Variants in RIPK2 observed in about 807,000 individuals in gnomAD.
The protein encoded by RIPK2 is receptor interacting serine/threonine kinase 2.
Under a neutral mutation model 60.9 loss-of-function variants are expected in RIPK2, and 38 were observed. The observed-to-expected ratio is 0.62, with a 90% confidence interval of 0.48 to 0.82. The LOEUF (loss-of-function observed/expected upper bound fraction) is 0.82, where lower values mean the gene tolerates loss of function less well. RIPK2 is among the 40% of genes least tolerant of loss of function. The pLI, the probability that RIPK2 is intolerant of heterozygous loss-of-function variation, is 0.00. For missense variants in RIPK2, 518 were observed against 647.0 expected, an observed-to-expected ratio of 0.80 and a Z score of 2.16; for synonymous variants, 225 against 223.4, an observed-to-expected ratio of 1.01 and a Z score of -0.06.
At chr8:89,772,032 T>C (rs912683644) in intron 5 of RIPK2, among the ~76,000 whole-genome samples, 2 of 152,054 alleles carry the variant, frequency 1.3e-5, no homozygotes, top group African/African-American at 4.8e-5. Flanking sequence ...ACCCAGATTT[T>C]AATTCTTGTT....
At chr8:89,777,752 C>T (rs1809422598) in intron 6 of RIPK2, among the ~76,000 whole-genome samples, 1 of 151,926 alleles carries the variant, frequency 6.6e-6, no homozygotes, top group African/African-American at 2.4e-5. Flanking sequence ...ATGACTGTTT[C>T]CTATTTTCAG....
intron 5 of RIPK2, among the ~76,000 whole-genome samples, chr8:89,772,250 A>G (rs1323139162): frequency 6.6e-6 from 1 of 152,018 alleles, no homozygotes; most frequent in Admixed American, 6.6e-5. Context: ...AATATTGTTT[A>G]TTTCTTTATT....
At chr8:89,782,967 G>A (rs1809524434) in intron 7 of RIPK2, among the ~76,000 whole-genome samples, 1 of 152,114 alleles carries the variant, frequency 6.6e-6, no homozygotes, top group Non-Finnish European at 1.5e-5. Flanking sequence ...ACATAACAGA[G>A]ATAAAACCAA....
At chr8:89,772,913 C>A in intron 6 of RIPK2, 85 bp downstream of exon 6, 4 of 900,060 alleles carry the variant, frequency 4.4e-6, no homozygotes, top group Non-Finnish European at 6.3e-6. Context: ...AAAAATTGTG[C>A]AAATTAGATG....
rs1441429281 is a variant in RIPK2 at position 89,765,371 on chromosome 8, T to C, written c.358T>C (p.Leu120=). The C allele has an allele frequency of 6.2e-7, 1 of 1,610,458 alleles. No homozygotes were observed. The highest frequency in any genetic ancestry group is 8.5e-7 in the Non-Finnish European group (1 of 1,177,646). ...KTEYPDVAWP[L]RFRILHEIAL... ...TGAATATCCTGATGTTGCTTGGCCA[T>C]TGAGATTTCGCATCCTGCATGAAAT... is the stretch of plus-strand genomic sequence containing the variant. Residue 120 remains leucine (L), a synonymous_variant, in exon 3 of 11, where the codon TTG becomes CTG. Transcript: ENST00000220751.
At chr8:89,758,792 T>A (rs1257521144) in intron 1 of RIPK2, among the ~76,000 whole-genome samples, 2 of 152,210 alleles carry the variant, frequency 1.3e-5, no homozygotes, top group Non-Finnish European at 2.9e-5. Flanking sequence ...ACTTATAATA[T>A]TTTATTATTT....
At chr8:89,764,414 C>T (rs969191340) in intron 2 of RIPK2, among the ~76,000 whole-genome samples, 2 of 152,142 alleles carry the variant, frequency 1.3e-5, no homozygotes, top group Admixed American at 1.3e-4. Flanking sequence ...GATCACTGAA[C>T]TATAAGCTGA....
intron 9 of RIPK2, among the ~76,000 whole-genome samples, chr8:89,789,006 C>T (rs746009422): frequency 1.3e-5 from 2 of 152,106 alleles, no homozygotes; most frequent in African/African-American, 2.4e-5. Context: ...ATTTAGAGAA[C>T]ATACTTAAAC....
chr8:89,767,644 A>G (rs1444494219), intron 3 of RIPK2, among the ~76,000 whole-genome samples: 2 of 151,782 alleles, frequency 1.3e-5, no homozygotes, highest in African/African-American at 2.4e-5. Flanking sequence ...CAAAGCAGTT[A>G]TCCTGTAACA....
intron 1 of RIPK2, among the ~76,000 whole-genome samples, chr8:89,758,716 C>T (rs1331406710): frequency 2.0e-5 from 3 of 151,958 alleles, no homozygotes; most frequent in Non-Finnish European, 2.9e-5. Flanking sequence ...TGTGCCCGTC[C>T]GAATTGAAGT....
At chr8:89,778,310 G>C (rs1809436242) in intron 6 of RIPK2, among the ~76,000 whole-genome samples, 1 of 151,928 alleles carries the variant, frequency 6.6e-6, no homozygotes, top group Admixed American at 6.6e-5. Flanking sequence ...TTTTTCAAAA[G>C]CCTATCAAAG....
Position 89,783,925 on chromosome 8 carries a change from A to G in RIPK2, c.940-125A>G, listed in dbSNP as rs912001269. 9.1e-5 allele frequency: 47 copies of G among 518,540 alleles called. No individual in the cohort carries two copies. In the Admixed American group the frequency reaches 1.2e-3, roughly 14 times the overall value. 32.1% of individuals were successfully genotyped at this position (518,540 alleles called of 1,614,324 possible). On this transcript the variant is annotated intron_variant, in intron 7 of 10. Coordinates refer to ENST00000220751, the MANE Select transcript of RIPK2 (RefSeq NM_003821.6). ...CCTTCAGTTATATGTTATATTCTCA[A>G]CTCTTTATATTTTCTTTCCATGTAT...
chr8:89,769,748 A>G, intron 3 of RIPK2, 24 bp from the exon 4 acceptor site: 1 of 1,477,340 alleles, frequency 6.8e-7, no homozygotes. Context: ...AAATTTCTTA[A>G]TTATTTGCTC....
chr8:89,781,976 C>CAA (rs36097206), intron 7 of RIPK2, among the ~76,000 whole-genome samples: 2 of 151,796 alleles, frequency 1.3e-5, no homozygotes, highest in Admixed American at 1.3e-4. Flanking sequence ...GGCAATGTGG[C>CAA]AAAAAAACAT....
chr8:89,769,629 G>T, intron 3 of RIPK2, 143 bp from the exon 4 acceptor site: 1 of 513,000 alleles, frequency 1.9e-6, no homozygotes, highest in Non-Finnish European at 3.2e-6. Flanking sequence ...AAGAAGTTGG[G>T]GGAATATACA....
At chr8:89,777,179 T>C (rs1031365440) in intron 6 of RIPK2, among the ~76,000 whole-genome samples, 2 of 152,242 alleles carry the variant, frequency 1.3e-5, no homozygotes, top group Non-Finnish European at 2.9e-5. Flanking sequence ...AGTGGAGCAC[T>C]GATCAGTACA....
Position 89,765,386 on chromosome 8 carries a change from C to G in RIPK2, c.373C>G (p.Leu125Val). Reference sequence around the variant, plus strand: ...TGCTTGGCCATTGAGATTTCGCATCCTGCATGAAATTGCCCTTGGTGTAAA... The same window carrying G: ...TGCTTGGCCATTGAGATTTCGCATCGTGCATGAAATTGCCCTTGGTGTAAA... ...DVAWPLRFRILHEIALGVNYL... is the reference protein window; with the variant it reads ...DVAWPLRFRIVHEIALGVNYL... Residue 125 changes from leucine (L) to valine (V), a missense_variant, in exon 3 of 11, where the codon CTG (leucine) becomes GTG (valine). Around this residue, in one of 3 missense-constraint regions of RIPK2, gnomAD observed 448 missense variants for 534.7 expected, o/e 0.84. Transcript: ENST00000220751. The G allele has an allele frequency of 1.9e-6, 3 of 1,609,976 alleles. No individual in the cohort carries two copies. The highest frequency in any genetic ancestry group is 2.5e-6 in the Non-Finnish European group (3 of 1,176,986).
In RIPK2 at chr8:89,765,420, A is replaced by C. The variant is rs1418778571; in HGVS notation, c.407A>C (p.His136Pro). 1 of 1,602,356 alleles carries C rather than the reference A, an allele frequency of 6.2e-7. No individual in the cohort carries two copies. The highest frequency in any genetic ancestry group is 8.5e-7 in the Non-Finnish European group (1 of 1,169,936). Reference protein sequence around the residue: ...HEIALGVNYLHNMTPPLLHHD... With the variant: ...HEIALGVNYLPNMTPPLLHHD... ...ATTGCCCTTGGTGTAAATTACCTGC[A>C]CAATATGACTCCTCCTTTACTTCAT... The change falls in exon 3 of 11, where the codon CAC becomes CCC. Residue 136 changes from histidine (H) to proline (P), a missense_variant. His to Pro is a moderately conservative substitution (Grantham distance 77). Around this residue, in one of 3 missense-constraint regions of RIPK2, gnomAD observed 448 missense variants for 534.7 expected, o/e 0.84. Transcript: ENST00000220751.
At chr8:89,762,051 T>TTGCA (rs1341556487) in intron 1 of RIPK2, among the ~76,000 whole-genome samples, 1 of 151,884 alleles carries the variant, frequency 6.6e-6, no homozygotes, top group Non-Finnish European at 1.5e-5. Context: ...ATAGGCACGG[T>TTGCA]TGCATGCCTG....
Sources: gnomAD v4.1 joint callset for allele counts (sites outside exome capture counted in the v4.1 genomes callset) on GRCh38, gnomAD v4.1.1 for gene constraint, gnomAD v4.1.1 regional missense constraint, MANE v1.5 for transcripts, NCBI Gene and HGNC (gene_info 2026-07-23, HGNC 2026-07-21) for gene names.